Variants in CA10 observed in about 807,000 individuals in gnomAD.
CA10 encodes the protein carbonic anhydrase 10 (inactive), also known as carbonic anhydrase-related protein 10.
Under a neutral mutation model 44.2 loss-of-function variants are expected in CA10, and 14 were observed. The ratio of observed to expected loss-of-function variants is 0.32; its 90% CI spans 0.21 to 0.50. The LOEUF (loss-of-function observed/expected upper bound fraction) is 0.50, where lower values mean the gene tolerates loss of function less well. Ranked by LOEUF, CA10 falls within the 20% of genes least tolerant of loss-of-function variation. The pLI is 0.99. For synonymous variants in CA10, 159 were observed against 141.6 expected (o/e 1.12, Z -0.87); for missense variants, 350 against 409.7 (o/e 0.85, Z 1.26).
chr17:51,996,968 C>CT (rs1392378631), intron 2 of CA10, among the ~76,000 whole-genome samples: 33 of 152,104 alleles, frequency 2.2e-4, no homozygotes. Flanking sequence ...CTGAAAATAT[C>CT]TAACTTTCTC....
chr17:52,071,585 C>A (rs1017045625), intron 2 of CA10, among the ~76,000 whole-genome samples: 1 of 152,226 alleles, frequency 6.6e-6, no homozygotes, highest in Non-Finnish European at 1.5e-5. Flanking sequence ...AGATTGCACA[C>A]TGGCTCCTGC....
chr17:51,782,532 T>C (rs1906104574), intron 3 of CA10, among the ~76,000 whole-genome samples: 1 of 152,220 alleles, frequency 6.6e-6, no homozygotes, highest in African/African-American at 2.4e-5. Flanking sequence ...TTCTTTCTGA[T>C]AAGAAAAGGC....
At chr17:52,057,309 A>C (rs999202614) in intron 2 of CA10, among the ~76,000 whole-genome samples, 1 of 151,750 alleles carries the variant, frequency 6.6e-6, no homozygotes, top group Non-Finnish European at 1.5e-5. Context: ...AGCATAACCA[A>C]CCCTTCCTCT....
intron 2 of CA10, among the ~76,000 whole-genome samples, chr17:52,054,341 A>T (rs938555685): frequency 1.4e-4 from 22 of 152,066 alleles, no homozygotes; most frequent in Non-Finnish European, 5.9e-5. Context: ...AGGATGAGGA[A>T]ATTCCCGCCT....
intron 2 of CA10, among the ~76,000 whole-genome samples, chr17:52,034,526 G>A (rs1036769431): frequency 9.2e-5 from 14 of 152,084 alleles, no homozygotes; most frequent in African/African-American, 3.1e-4. Context: ...ACACAAATTG[G>A]CAGGTTTTTA....
intron 2 of CA10, among the ~76,000 whole-genome samples, chr17:52,006,921 C>G: frequency 6.6e-6 from 1 of 151,694 alleles, no homozygotes; most frequent in Non-Finnish European, 1.5e-5. Context: ...CTCTTTCATC[C>G]AATCTTTTAG....
chr17:52,104,674 A>G (rs1988619088), intron 1 of CA10, among the ~76,000 whole-genome samples: 1 of 152,092 alleles, frequency 6.6e-6, no homozygotes, highest in African/African-American at 2.4e-5. Context: ...AATGTTTCCC[A>G]GGTGCTGGAC....
intron 1 of CA10, among the ~76,000 whole-genome samples, chr17:52,091,211 T>G (rs1046342523): frequency 9.9e-5 from 15 of 152,116 alleles, no homozygotes; most frequent in African/African-American, 3.6e-4. Flanking sequence ...TATTTTCAAG[T>G]GTTATGATGA....
intron 5 of CA10, 49 bp from the exon 6 acceptor site, chr17:51,649,303 C>T: frequency 7.8e-7 from 1 of 1,286,490 alleles, no homozygotes; most frequent in Non-Finnish European, 1.1e-6. Context: ...TCTTGCAGGA[C>T]AAACATCTCC....
intron 6 of CA10, among the ~76,000 whole-genome samples, chr17:51,644,185 T>C (rs62060773): frequency 0.041 from 5,934 of 143,320 alleles, 397 homozygotes; most frequent in African/African-American, 0.14. Context: ...TTTTTTTTTT[T>C]CCTGGTCATT....
At chr17:51,692,747 C>G (rs971575238) in intron 4 of CA10, among the ~76,000 whole-genome samples, 7 of 152,170 alleles carry the variant, frequency 4.6e-5, no homozygotes, top group Non-Finnish European at 1.0e-4. Flanking sequence ...AATAAAGCTC[C>G]TATAAATATT....
intron 4 of CA10, among the ~76,000 whole-genome samples, chr17:51,702,977 C>T (rs942125905): frequency 1.3e-5 from 2 of 152,176 alleles, no homozygotes; most frequent in Non-Finnish European, 2.9e-5. Flanking sequence ...ACATTCTCCT[C>T]AAATAATTCA....
intron 4 of CA10, among the ~76,000 whole-genome samples, chr17:51,735,260 G>C (rs1431806848): frequency 1.3e-5 from 2 of 152,178 alleles, no homozygotes; most frequent in African/African-American, 4.8e-5. Context: ...GATGCAGCTG[G>C]AGGCCATTAT....
chr17:51,873,569 G>A (rs1055527610), intron 3 of CA10, among the ~76,000 whole-genome samples: 7 of 152,212 alleles, frequency 4.6e-5, no homozygotes, highest in Admixed American at 3.9e-4. Flanking sequence ...GTAGATGCAA[G>A]AGAGAGGCCA....
chr17:52,098,491 C>T (rs1333407645), intron 1 of CA10, among the ~76,000 whole-genome samples: 2 of 152,162 alleles, frequency 1.3e-5, no homozygotes, highest in African/African-American at 4.8e-5. Flanking sequence ...ACAATAACGA[C>T]CCAGCCCAGT....
At chr17:52,005,727 C>T (rs1379615789) in intron 2 of CA10, among the ~76,000 whole-genome samples, 5 of 151,892 alleles carry the variant, frequency 3.3e-5, no homozygotes, top group Non-Finnish European at 5.9e-5. Context: ...TTTACATCCT[C>T]ACAAATTCTG....
At chr17:52,013,571 A>T (rs1304693388) in intron 2 of CA10, among the ~76,000 whole-genome samples, 1 of 151,990 alleles carries the variant, frequency 6.6e-6, no homozygotes, top group Non-Finnish European at 1.5e-5. Context: ...AGAAAAATTT[A>T]AAAGATGAAG....
At chr17:51,675,034 G>GCC (rs948634876) in intron 4 of CA10, among the ~76,000 whole-genome samples, 1 of 152,134 alleles carries the variant, frequency 6.6e-6, no homozygotes, top group Non-Finnish European at 1.5e-5. Flanking sequence ...ACAGCCTGTT[G>GCC]CCCCCCGTTG....
chr17:51,971,787 A>G (rs1020526219), intron 2 of CA10, among the ~76,000 whole-genome samples: 48 of 152,186 alleles, frequency 3.2e-4, no homozygotes, highest in African/African-American at 1.1e-3. Context: ...TAAAATAAAG[A>G]TGCTAGAGAT....
Sources: allele counts gnomAD v4.1 joint callset (sites outside exome capture counted in the v4.1 genomes callset), GRCh38; gene constraint gnomAD v4.1.1; transcripts MANE v1.5; gene names NCBI Gene and HGNC (gene_info 2026-07-23, HGNC 2026-07-21).